Variants in SLC38A6 observed in about 807,000 individuals in gnomAD.
SLC38A6 encodes the protein N system amino acid transporter NAT-1.
In SLC38A6, 73 loss-of-function variants were observed where a neutral mutation model predicts 65.0. The observed-to-expected ratio is 1.12, with a 90% CI of 0.93 to 1.37. SLC38A6 has a LOEUF of 1.37. Among genes scored for constraint, SLC38A6 ranks in the 40% most tolerant of loss-of-function variants. The probability of loss-of-function intolerance (pLI) is 0.00; values close to 1 mark genes in which losing one functional copy is unlikely to be tolerated. For synonymous variants in SLC38A6, 183 were observed against 178.8 expected, an observed-to-expected ratio of 1.02 and a Z score of -0.19; for missense variants, 561 against 531.1, an observed-to-expected ratio of 1.06 and a Z score of -0.55.
intron 3 of SLC38A6, among the ~76,000 whole-genome samples, chr14:60,989,322 C>T (rs2037688253): frequency 6.6e-6 from 1 of 152,170 alleles, no homozygotes; most frequent in Non-Finnish European, 1.5e-5. Context: ...CTACCATTTC[C>T]TTCCTATCAT....
intron 4 of SLC38A6, among the ~76,000 whole-genome samples, chr14:61,016,180 A>AT (rs2139545249): frequency 6.6e-6 from 1 of 152,288 alleles, no homozygotes; most frequent in Non-Finnish European, 1.5e-5. Context: ...ATCTTTTAAT[A>AT]TTTTTCATCC....
At chr14:61,078,042 A>T (rs2043488031) in intron 15 of SLC38A6, among the ~76,000 whole-genome samples, 2 of 152,316 alleles carry the variant, frequency 1.3e-5, no homozygotes, top group South Asian at 4.1e-4. Context: ...AAACTACTGG[A>T]ACTTACAATC....
chr14:61,078,115 A>G (rs899864478), intron 15 of SLC38A6, among the ~76,000 whole-genome samples: 4 of 152,224 alleles, frequency 2.6e-5, no homozygotes, highest in Admixed American at 2.0e-4. Context: ...GGGTGTGGCT[A>G]TTGCATGTGC....
intron 3 of SLC38A6, among the ~76,000 whole-genome samples, chr14:61,015,692 A>G (rs1277690170): frequency 6.6e-6 from 1 of 152,222 alleles, no homozygotes; most frequent in African/African-American, 2.4e-5. Flanking sequence ...AGATTTTTAC[A>G]TAAAACAGCT....
intron 15 of SLC38A6, among the ~76,000 whole-genome samples, chr14:61,073,265 A>G (rs907817895): frequency 1.3e-5 from 2 of 152,088 alleles, no homozygotes; most frequent in African/African-American, 2.4e-5. Context: ...TGAGTTCCTC[A>G]TATATTCTGA....
chr14:61,034,894 C>T (rs1238373890), intron 6 of SLC38A6, among the ~76,000 whole-genome samples: 1 of 152,122 alleles, frequency 6.6e-6, no homozygotes, highest in African/African-American at 2.4e-5. Context: ...GGTGCTGTTT[C>T]TGCAGCTGCT....
chr14:61,050,550 TACTTATCACATG>T lies in SLC38A6; in HGVS notation c.966_977del (p.Leu323_Asp326del). 6.3e-7 allele frequency: 1 copy of T among 1,585,056 alleles called. No individual in the cohort carries two copies. Among genetic ancestry groups the T allele is most frequent in the Non-Finnish European group, 8.6e-7 (1 of 1,158,668 alleles). ...AGAATTACTAAAAGGTTATAGTAAATACTTATCACATGATGTTGTTGTCATGACTGTGAAGTT... is the reference window on the plus strand; with the variant it reads ...AGAATTACTAAAAGGTTATAGTAAATATGTTGTTGTCATGACTGTGAAGTT... On this transcript the variant is annotated inframe_deletion, in exon 13 of 16. Transcript: ENST00000267488.
At chr14:60,990,017 C>G (rs1285525646) in intron 3 of SLC38A6, among the ~76,000 whole-genome samples, 1 of 150,636 alleles carries the variant, frequency 6.6e-6, no homozygotes, top group Non-Finnish European at 1.5e-5. Context: ...CCTCTGATCT[C>G]TTTTCTTTTC....
chr14:60,981,781 G>A, intron 1 of SLC38A6: 1 of 1,209,998 alleles, frequency 8.3e-7, no homozygotes, highest in Non-Finnish European at 1.1e-6. Flanking sequence ...TTAGTCATGG[G>A]GGGAGGGAAA....
At chr14:61,034,643 T>C (rs1415760008) in intron 6 of SLC38A6, among the ~76,000 whole-genome samples, 1 of 152,176 alleles carries the variant, frequency 6.6e-6, no homozygotes, top group Non-Finnish European at 1.5e-5. Context: ...TTGAAGTTTC[T>C]GTTTTGATTC....
intron 6 of SLC38A6, among the ~76,000 whole-genome samples, chr14:61,035,389 T>C (rs1386497741): frequency 6.6e-6 from 1 of 152,172 alleles, no homozygotes; most frequent in Non-Finnish European, 1.5e-5. Flanking sequence ...ATTGTGTTTT[T>C]TCTTAAAGCC....
At chr14:61,081,610 G>A (rs182768497) in intron 16 of SLC38A6, among the ~76,000 whole-genome samples, 22 of 152,162 alleles carry the variant, frequency 1.4e-4, no homozygotes, top group African/African-American at 4.1e-4. Flanking sequence ...GCTTGAACCC[G>A]GGAGGCAGAG....
intron 15 of SLC38A6, among the ~76,000 whole-genome samples, chr14:61,067,245 C>A (rs2043050451): frequency 6.6e-6 from 1 of 152,140 alleles, no homozygotes; most frequent in Non-Finnish European, 1.5e-5. Context: ...ACTGGGTTTT[C>A]TCTCAACCAG....
chr14:61,037,483 T>G (rs1156278820), intron 7 of SLC38A6, 142 bp from the exon 8 acceptor site: 1 of 624,780 alleles, frequency 1.6e-6, no homozygotes, highest in South Asian at 2.1e-5. Context: ...CTGTGACAGA[T>G]AGTTGGAATG....
At chr14:61,033,495 A>G (rs557856495) in intron 6 of SLC38A6, among the ~76,000 whole-genome samples, 14 of 152,064 alleles carry the variant, frequency 9.2e-5, no homozygotes, top group Non-Finnish European at 1.9e-4. Context: ...GTTCTGTTAG[A>G]TCGTTCTTTA....
chr14:61,052,089 A>T lies in SLC38A6; in HGVS notation c.1244A>T (p.Tyr415Phe). 1 of 1,579,176 alleles carries T rather than the reference A, an allele frequency of 6.3e-7. No homozygotes were observed. Among genetic ancestry groups the T allele is most frequent in the Non-Finnish European group, 8.5e-7 (1 of 1,171,416 alleles). Residue 415 changes from tyrosine (Y) to phenylalanine (F), a missense_variant, in exon 15 of 16, where the codon TAT (tyrosine) becomes TTT (phenylalanine). Coordinates refer to ENST00000267488, the MANE Select transcript of SLC38A6 (RefSeq NM_153811.3). Reference sequence around the variant, plus strand: ...ATTTTTATATTCCCAGGACTATTTTATCTTAAACTTAGCAGAGAGGATTTT... The same window carrying T: ...ATTTTTATATTCCCAGGACTATTTTTTCTTAAACTTAGCAGAGAGGATTTT... ...CLIFIFPGLF[Y>F]LKLSREDFLS...
At chr14:61,031,734 G>A (rs1234464297) in intron 6 of SLC38A6, among the ~76,000 whole-genome samples, 1 of 151,874 alleles carries the variant, frequency 6.6e-6, no homozygotes, top group Non-Finnish European at 1.5e-5. Flanking sequence ...TGTATCTGCT[G>A]TAAAAAACAT....
intron 15 of SLC38A6, among the ~76,000 whole-genome samples, chr14:61,063,007 A>G (rs2042905357): frequency 1.3e-5 from 2 of 152,144 alleles, no homozygotes; most frequent in Admixed American, 6.5e-5. Context: ...GTGTTTTGCA[A>G]AGATTTTTTT....
intron 4 of SLC38A6, among the ~76,000 whole-genome samples, chr14:61,018,846 G>A (rs1284202623): frequency 6.6e-6 from 1 of 152,028 alleles, no homozygotes; most frequent in Admixed American, 6.6e-5. Context: ...GACTTTCTTT[G>A]AAAAATCAGA....
Sources: allele counts gnomAD v4.1 joint callset (sites outside exome capture counted in the v4.1 genomes callset), GRCh38; gene constraint gnomAD v4.1.1; transcripts MANE v1.5; gene names NCBI Gene and HGNC (gene_info 2026-07-23, HGNC 2026-07-21).